Variants in ITPRID1 observed in about 807,000 individuals in gnomAD.
The protein encoded by ITPRID1 is ITPR interacting domain containing 1.
ITPRID1 carries 96 observed loss-of-function variants against 95.4 expected under a neutral mutation model. That is an observed-to-expected ratio of 1.01 (90% CI 0.85 to 1.19). The LOEUF is 1.19. ITPRID1 is among the 50% of genes most tolerant of loss of function. The probability of loss-of-function intolerance (pLI) is 0.00; values close to 1 mark genes in which losing one functional copy is unlikely to be tolerated. For synonymous variants in ITPRID1, 510 were observed against 453.6 expected (o/e 1.12, Z -1.58); for missense variants, 1,339 against 1,252.9 (o/e 1.07, Z -1.04).
intron 10 of ITPRID1, among the ~76,000 whole-genome samples, chr7:31,603,099 C>G (rs1786467967): frequency 6.6e-6 from 1 of 152,162 alleles, no homozygotes; most frequent in Admixed American, 6.5e-5. Flanking sequence ...TAAAGACCTG[C>G]TGATCCCTAG....
chr7:31,637,370 C>A (rs549925553), intron 10 of ITPRID1, among the ~76,000 whole-genome samples: 7 of 152,220 alleles, frequency 4.6e-5, no homozygotes, highest in African/African-American at 9.6e-5. Context: ...AAAAGTGTTC[C>A]TATTTCTCCA....
chr7:31,658,237 A>G, downstream of ITPRID1: 1 of 1,470,246 alleles, frequency 6.8e-7, no homozygotes, highest in Non-Finnish European at 8.9e-7. Context: ...ATGTTGCATT[A>G]GGTTTTGTTT....
chr7:31,559,083 G>C (rs997197079), intron 5 of ITPRID1, among the ~76,000 whole-genome samples: 3 of 151,912 alleles, frequency 2.0e-5, no homozygotes, highest in African/African-American at 7.3e-5. Context: ...CAATAACATT[G>C]GTACCTAAAT....
At chr7:31,599,490 T>C (rs1253654538) in intron 10 of ITPRID1, among the ~76,000 whole-genome samples, 2 of 152,216 alleles carry the variant, frequency 1.3e-5, no homozygotes, top group African/African-American at 4.8e-5. Flanking sequence ...TGTATCTATG[T>C]TTCCCCTTTT....
chr7:31,574,469 T>A, intron 7 of ITPRID1, 71 bp from the exon 8 acceptor site: 1 of 1,345,850 alleles, frequency 7.4e-7, no homozygotes, highest in Non-Finnish European at 1.1e-6. Flanking sequence ...ATTGGGTGGA[T>A]GAGGTGACCA....
chr7:31,658,537 G>A (rs917125674), downstream of ITPRID1: 12 of 501,540 alleles, frequency 2.4e-5, no homozygotes, highest in South Asian at 9.5e-4. Flanking sequence ...TGGAATGGTG[G>A]GTTGCATACG....
At position 31,640,720 on chromosome 7, in the gene ITPRID1, A is replaced by G. The variant is rs528538099; in HGVS notation, c.1229-1456A>G. On this transcript the variant is annotated intron_variant, in intron 10 of 14. Transcript: ENST00000615280. ...GAGGAAAAATCTAGTCCCTATTACT[A>G]CAGCTTTCCAGAAGCAGAAGTCTCA... Among the ~76,000 whole-genome samples, 5 of 151,886 alleles carry G rather than the reference A, an allele frequency of 3.3e-5. No homozygotes were observed. In the East Asian group the frequency reaches 9.7e-4, roughly 30 times the overall value.
rs1170962600 is a variant in ITPRID1, at chr7:31,550,710, G to T, written c.-24+1211G>T. On this transcript the variant is annotated intron_variant, in intron 2 of 14. Transcript: ENST00000615280. Reference sequence around the variant, plus strand: ...TCCCTGACCCTTGCTTTTAGCAAGGGTTCCCATTTTCTTTGGCAAGCCTTT... The same window carrying T: ...TCCCTGACCCTTGCTTTTAGCAAGGTTTCCCATTTTCTTTGGCAAGCCTTT... 2.9e-5 allele frequency among the ~76,000 whole-genome samples: 3 copies of T among 102,820 alleles called. 1 individual carries two copies. The highest frequency in any genetic ancestry group is 7.3e-5 in the Non-Finnish European group (3 of 40,870). 67.5% of individuals were successfully genotyped at this position (102,820 alleles called of 152,430 possible). A position where few individuals can be genotyped will look rare whatever the true frequency, so the allele number is the denominator to read the frequency against.
At chr7:31,631,593 G>C (rs1562634247) in intron 10 of ITPRID1, among the ~76,000 whole-genome samples, 1 of 152,092 alleles carries the variant, frequency 6.6e-6, no homozygotes, top group African/African-American at 2.4e-5. Flanking sequence ...TTTTACAGAA[G>C]CGGATTTTTC....
chr7:31,615,367 A>G (rs925094165), intron 10 of ITPRID1, among the ~76,000 whole-genome samples: 1 of 152,204 alleles, frequency 6.6e-6, no homozygotes, highest in South Asian at 2.1e-4. Flanking sequence ...TGATGGGCGT[A>G]ATAAAATCTA....
chr7:31,644,613 A>T (rs537078646), intron 12 of ITPRID1, among the ~76,000 whole-genome samples: 2 of 152,258 alleles, frequency 1.3e-5, no homozygotes, highest in South Asian at 2.1e-4. Context: ...TTAAAGGTGG[A>T]CCCTATAGTT....
intron 10 of ITPRID1, among the ~76,000 whole-genome samples, chr7:31,641,832 A>T (rs1343077822): frequency 1.3e-5 from 2 of 152,216 alleles, no homozygotes. Context: ...TCATTATTTT[A>T]TTAGTGTGGC....
At position 31,643,645 on chromosome 7, in the gene ITPRID1, G is replaced by A; in HGVS notation, c.2275G>A (p.Asp759Asn). 1 of 1,614,030 alleles carries A rather than the reference G, an allele frequency of 6.2e-7. No homozygotes were observed. The highest frequency in any genetic ancestry group is 8.5e-7 in the Non-Finnish European group (1 of 1,179,900). The part of the protein sequence containing the change: ...RLGTKARQLN[D>N]ASIQTSALSN... ...GGGGACAAAAGCAAGACAGTTAAAT[G>A]ATGCTTCCATTCAGACTTCAGCTCT... is the stretch of plus-strand genomic sequence containing the variant. The change falls in exon 12 of 15, where the codon GAT becomes AAT. Residue 759 changes from aspartate to asparagine, a missense_variant. Coordinates refer to ENST00000615280, the MANE Select transcript of ITPRID1 (RefSeq NM_001257967.3).
chr7:31,582,355 T>C (rs1422889140), intron 9 of ITPRID1, among the ~76,000 whole-genome samples: 1 of 152,178 alleles, frequency 6.6e-6, no homozygotes, highest in East Asian at 1.9e-4. Flanking sequence ...AAAATGTATA[T>C]AAAAGAAAAC....
chr7:31,526,652 T>C (rs936660163), intron 1 of ITPRID1, among the ~76,000 whole-genome samples: 2 of 152,196 alleles, frequency 1.3e-5, no homozygotes, highest in Non-Finnish European at 2.9e-5. Context: ...GATGAAATGG[T>C]ATTGACCACT....
At chr7:31,560,041 A>G (rs983262940) in intron 5 of ITPRID1, among the ~76,000 whole-genome samples, 2 of 152,222 alleles carry the variant, frequency 1.3e-5, no homozygotes, top group African/African-American at 4.8e-5. Flanking sequence ...TACATATGTA[A>G]TATGCTAGGA....
chr7:31,523,758 C>A (rs1011502493), intron 1 of ITPRID1, among the ~76,000 whole-genome samples: 2 of 152,108 alleles, frequency 1.3e-5, no homozygotes, highest in Non-Finnish European at 2.9e-5. Flanking sequence ...TATAAATTAC[C>A]CAGTCTCGGG....
chr7:31,516,197 A>T (rs1291569921), intron 1 of ITPRID1, among the ~76,000 whole-genome samples: 1 of 152,158 alleles, frequency 6.6e-6, no homozygotes, highest in Non-Finnish European at 1.5e-5. Context: ...TCTTTGTAAA[A>T]CACAGTATAT....
intron 1 of ITPRID1, among the ~76,000 whole-genome samples, chr7:31,535,838 A>G (rs1407493652): frequency 6.6e-6 from 1 of 151,960 alleles, no homozygotes; most frequent in Non-Finnish European, 1.5e-5. Flanking sequence ...TGCTCCTGAT[A>G]AGAGATCAAG....
Sources: gnomAD v4.1 joint callset for allele counts (sites outside exome capture counted in the v4.1 genomes callset) on GRCh38, gnomAD v4.1.1 for gene constraint, MANE v1.5 for transcripts, NCBI Gene and HGNC (gene_info 2026-07-23, HGNC 2026-07-21) for gene names.